Variants in IGF1R observed in about 807,000 individuals in gnomAD.
IGF1R encodes insulin-like growth factor 1 receptor.
A neutral mutation model predicts 144.6 loss-of-function variants in IGF1R; 44 were observed. That is an observed-to-expected ratio of 0.30 (90% CI 0.24 to 0.39). The LOEUF is 0.39. Ranked by LOEUF, IGF1R falls within the 10% of genes least tolerant of loss-of-function variation. IGF1R has a pLI of 1.00. For synonymous variants in IGF1R, 795 were observed against 722.8 expected (o/e 1.10, Z -1.60); for missense variants, 1,355 against 1,833.7 (o/e 0.74, Z 4.77).
intron 1 of IGF1R, among the ~76,000 whole-genome samples, chr15:98,657,277 T>G (rs1253384828): frequency 1.3e-5 from 2 of 152,256 alleles, no homozygotes; most frequent in African/African-American, 4.8e-5. Flanking sequence ...TTAGTGACCT[T>G]TGATAACTTC....
chr15:98,654,688 CTTGAT>C (rs1425371251), intron 1 of IGF1R, among the ~76,000 whole-genome samples: 1 of 152,110 alleles, frequency 6.6e-6, no homozygotes, highest in African/African-American at 2.4e-5. Flanking sequence ...TGTGGGCGAA[CTTGAT>C]TTGAACTGCT....
Position 98,649,426 on chromosome 15 carries a change from G to A in IGF1R, c.-156G>A, listed in dbSNP as rs1480367342. 6.5e-6 allele frequency: 3 copies of A among 458,426 alleles called. No homozygotes were observed. The East Asian group carries it at 1.1e-4, about 17-fold the overall frequency. 28.4% of individuals were successfully genotyped at this position (458,426 alleles called of 1,614,324 possible). On this transcript the variant is annotated 5_prime_UTR_variant, in exon 1 of 21. Transcript: ENST00000650285. ...GCACCCGGAGGGCCCCGGCGGCGCC[G>A]CCTTCGGAGTATTGTTTCCTTCGCC...
chr15:98,672,831 G>C lies in IGF1R; in HGVS notation c.94+23156G>C, dbSNP rs547939516. The stretch of plus-strand genomic sequence containing the variant: ...CCCCCTAAATACGGGTACCTGGAAA[G>C]TTGAAGCAGTGAATCTGGTGAAACT... On this transcript the variant is annotated intron_variant, in intron 1 of 20. Transcript: ENST00000650285. Among the ~76,000 whole-genome samples the C allele has an allele frequency of 1.6e-4, 25 of 152,214 alleles. No homozygotes were observed. In the South Asian group the frequency reaches 4.8e-3, roughly 29 times the overall value.
chr15:98,764,393 G>A (rs1020908723), intron 2 of IGF1R, among the ~76,000 whole-genome samples: 1 of 152,052 alleles, frequency 6.6e-6, no homozygotes, highest in African/African-American at 2.4e-5. Flanking sequence ...GGAACTTTTA[G>A]AAATAAAAAT....
At chr15:98,788,058 CTCTCTGTG>C (rs1213675635) in intron 2 of IGF1R, among the ~76,000 whole-genome samples, 53 of 128,074 alleles carry the variant, frequency 4.1e-4, no homozygotes, top group South Asian at 1.1e-3. Context: ...CTCTCTCTCT[CTCTCTGTG>C]TGTGTGTGTG....
chr15:98,764,586 T>C (rs967967946), intron 2 of IGF1R, among the ~76,000 whole-genome samples: 3 of 152,180 alleles, frequency 2.0e-5, no homozygotes, highest in African/African-American at 4.8e-5. Context: ...CTGTGAAGCA[T>C]TTTCAGAGAT....
chr15:98,677,259 T>A (rs1224736370), intron 1 of IGF1R, among the ~76,000 whole-genome samples: 1 of 152,180 alleles, frequency 6.6e-6, no homozygotes, highest in East Asian at 1.9e-4. Context: ...TTTAGGTGAT[T>A]ATTGGTTGTG....
rs577536269 is a variant in IGF1R, at chr15:98,730,075, A to G, written c.640+21968A>G. Among the ~76,000 whole-genome samples, 263 of 152,268 alleles carry G rather than the reference A, an allele frequency of 1.7e-3. 2 individuals carry two copies. The highest frequency in any genetic ancestry group is 3.2e-3 in the Non-Finnish European group (216 of 68,022). On this transcript the variant is annotated intron_variant, in intron 2 of 20. Coordinates refer to ENST00000650285, the MANE Select transcript of IGF1R (RefSeq NM_000875.5). ...ATGGTTCTGTTTCTAAATTCATCCC[A>G]CTGGATGTCTGTGTTGAGTTTTCTG... is the stretch of plus-strand genomic sequence containing the variant.
At chr15:98,850,501 TAG>T (rs2141555951) in intron 2 of IGF1R, among the ~76,000 whole-genome samples, 1 of 152,336 alleles carries the variant, frequency 6.6e-6, no homozygotes, top group Admixed American at 6.5e-5. Context: ...TGTGGCTCTG[TAG>T]CCATGTCCTC....
At chr15:98,909,687 C>T (rs1001906033) in intron 6 of IGF1R, among the ~76,000 whole-genome samples, 3 of 152,220 alleles carry the variant, frequency 2.0e-5, no homozygotes, top group East Asian at 1.9e-4. Context: ...CTGTGGGCCA[C>T]GGGTTTCCTG....
rs1219201738 is a variant in IGF1R at position 98,961,984 on chromosome 15, G to A, written c.*4542G>A. 2 of 233,190 alleles carry A rather than the reference G, an allele frequency of 8.6e-6. No homozygotes were observed. The highest frequency in any genetic ancestry group is 1.1e-4 in the Admixed American group (2 of 17,786). The allele number at this position is 233,190 out of a possible 1,614,324, so 14.4% of individuals were successfully genotyped here. A position where few individuals can be genotyped will look rare whatever the true frequency, so the allele number is the denominator to read the frequency against. On this transcript the variant is annotated 3_prime_UTR_variant, in exon 21 of 21. Coordinates refer to ENST00000650285, the MANE Select transcript of IGF1R (RefSeq NM_000875.5). ...GCTCGGTGCACATTGGGGTGCTTTG[G>A]GATAAAAGATTTATGAGCCAACTAT...
At chr15:98,846,860 G>T (rs553258094) in intron 2 of IGF1R, among the ~76,000 whole-genome samples, 6 of 152,326 alleles carry the variant, frequency 3.9e-5, no homozygotes, top group Admixed American at 2.6e-4. Flanking sequence ...TTAAATAAAT[G>T]TGTGAACACC....
At chr15:98,868,785 A>C (rs1272237239) in intron 2 of IGF1R, among the ~76,000 whole-genome samples, 1 of 152,180 alleles carries the variant, frequency 6.6e-6, no homozygotes, top group Admixed American at 6.5e-5. Flanking sequence ...AGCGCTTAGC[A>C]CGGGTAGCAG....
chr15:98,957,547 A>G lies in IGF1R; in HGVS notation c.*105A>G. The G allele has an allele frequency of 1.4e-6, 2 of 1,458,042 alleles. No homozygotes were observed. Among genetic ancestry groups the G allele is most frequent in the South Asian group, 2.3e-5 (2 of 86,120 alleles). The allele number at this position is 1,458,042 out of a possible 1,614,324, so 90.3% of individuals were successfully genotyped here. A position where few individuals can be genotyped will look rare whatever the true frequency, so the allele number is the denominator to read the frequency against. On this transcript the variant is annotated 3_prime_UTR_variant, in exon 21 of 21. Transcript: ENST00000650285. ...TCCATTCACAAGCCTCCTGTACCTC[A>G]GTGGATCTTCAGAACTGCCCTTGCT...
chr15:98,754,199 G>A (rs1340751547), intron 2 of IGF1R, among the ~76,000 whole-genome samples: 1 of 151,978 alleles, frequency 6.6e-6, no homozygotes, highest in Non-Finnish European at 1.5e-5. Context: ...TTTCTTTTCT[G>A]CTTTTAATGA....
Position 98,948,528 on chromosome 15 carries a change from C to G in IGF1R, c.3588-46C>G, listed in dbSNP as rs773653647. On this transcript the variant is annotated intron_variant, in intron 19 of 20. Transcript: ENST00000650285. ...CTGGAAAGGAGGGGGCAGCATTGTT[C>G]AGTCCATCCCTTTCCAAGCTCCTCA... The G allele has an allele frequency of 1.9e-6, 3 of 1,604,256 alleles. No individual in the cohort carries two copies. In the African/African-American group the frequency reaches 4.0e-5, roughly 21 times the overall value.
intron 2 of IGF1R, among the ~76,000 whole-genome samples, chr15:98,841,362 T>C (rs2011171449): frequency 6.6e-6 from 1 of 152,204 alleles, no homozygotes; most frequent in Non-Finnish European, 1.5e-5. Flanking sequence ...AATGTTCTCA[T>C]CTCTAAAGTA....
chr15:98,930,171 GAAAGT>G, intron 14 of IGF1R, 59 bp from the exon 15 acceptor site: 1 of 1,094,998 alleles, frequency 9.1e-7, no homozygotes, highest in Non-Finnish European at 1.4e-6. Context: ...TAGCGAAGAT[GAAAGT>G]ATATACAGGA....
chr15:98,940,210 A>G (rs1051954569), intron 18 of IGF1R, among the ~76,000 whole-genome samples: 1 of 152,206 alleles, frequency 6.6e-6, no homozygotes, highest in African/African-American at 2.4e-5. Context: ...AAAATACCAA[A>G]TATTTATCCT....
Sources: allele counts gnomAD v4.1 joint callset (sites outside exome capture counted in the v4.1 genomes callset), GRCh38; gene constraint gnomAD v4.1.1; transcripts MANE v1.5; gene names NCBI Gene and HGNC (gene_info 2026-07-23, HGNC 2026-07-21).